The following RUNX1T1 variants were observed in gnomAD, a reference collection of about 807,000 sequenced individuals.
RUNX1T1 encodes the protein RUNX1 partner transcriptional co-repressor 1.
In RUNX1T1, 4 loss-of-function variants were observed where a neutral mutation model predicts 62.8. That is an observed-to-expected ratio of 0.06 (90% CI 0.03 to 0.15). The LOEUF is 0.15. Among genes scored for constraint, RUNX1T1 ranks in the 10% least tolerant of loss-of-function variants. The pLI is 1.00. For missense variants in RUNX1T1, 508 were observed against 754.3 expected (o/e 0.67, Z 3.82); for synonymous variants, 291 against 286.0 (o/e 1.02, Z -0.18).
chr8:92,024,278 G>A (rs928587018), intron 1 of RUNX1T1, among the ~76,000 whole-genome samples: 3 of 151,616 alleles, frequency 2.0e-5, no homozygotes, highest in African/African-American at 2.4e-5. Flanking sequence ...TGAGGTTGAG[G>A]TGGGTGGACC....
rs144920663 is a variant in RUNX1T1 at position 92,044,408 on chromosome 8, A to G, written c.7+18138T>C. On this transcript the variant is annotated intron_variant, in intron 1 of 10. Coordinates refer to ENST00000396218, the Ensembl canonical transcript of RUNX1T1. Reference sequence around the variant, plus strand: ...GTAGGTGTGAAAAAGTCAATTCCAGACTTGGAGGTGCATCTATGGTAAAAA... The same window carrying G: ...GTAGGTGTGAAAAAGTCAATTCCAGGCTTGGAGGTGCATCTATGGTAAAAA... Among the ~76,000 whole-genome samples, 506 of 152,264 alleles carry G rather than the reference A, an allele frequency of 3.3e-3. 5 individuals carry two copies. Among genetic ancestry groups the G allele is most frequent in the African/African-American group, 0.012 (488 of 41,542 alleles).
chr8:92,047,317 A>G (rs1171609616), intron 1 of RUNX1T1, among the ~76,000 whole-genome samples: 1 of 152,028 alleles, frequency 6.6e-6, no homozygotes, highest in East Asian at 1.9e-4. Flanking sequence ...TCTCTGCTCA[A>G]AAGTCCCTTC....
intron 9 of RUNX1T1, among the ~76,000 whole-genome samples, chr8:91,973,372 C>G (rs1813261617): frequency 6.6e-6 from 1 of 151,324 alleles, no homozygotes; most frequent in Non-Finnish European, 1.5e-5. Flanking sequence ...TTTTTTGCAA[C>G]TTTCCTGCAT....
chr8:92,088,868 TTC>T (rs1836543042), intron 1 of RUNX1T1, among the ~76,000 whole-genome samples: 1 of 152,212 alleles, frequency 6.6e-6, no homozygotes, highest in African/African-American at 2.4e-5. Context: ...TATCTAATAT[TTC>T]TCTGACATAA....
chr8:92,019,690 A>T (rs992189358), intron 1 of RUNX1T1, among the ~76,000 whole-genome samples: 1 of 151,138 alleles, frequency 6.6e-6, no homozygotes, highest in Non-Finnish European at 1.5e-5. Flanking sequence ...TAAAAAAAAT[A>T]AACTATAAAT....
intron 5 of RUNX1T1, among the ~76,000 whole-genome samples, chr8:92,001,231 G>A (rs2976512): frequency 0.23 from 35,412 of 151,530 alleles, 4,359 homozygotes; most frequent in African/African-American, 0.31. Context: ...TTTTTGTTTT[G>A]GTATGAAATG....
intron 5 of RUNX1T1, among the ~76,000 whole-genome samples, chr8:91,994,958 T>C (rs1295915773): frequency 2.0e-5 from 3 of 152,236 alleles, no homozygotes; most frequent in African/African-American, 7.2e-5. Context: ...ACAGTGCTGA[T>C]AGTCCTCTGG....
chr8:92,009,115 G>A (rs1821438524), intron 4 of RUNX1T1, among the ~76,000 whole-genome samples: 1 of 152,094 alleles, frequency 6.6e-6, no homozygotes, highest in Non-Finnish European at 1.5e-5. Flanking sequence ...TCCACACGTG[G>A]TACTCAGTTT....
rs553539141 is a variant in RUNX1T1 at position 92,029,793 on chromosome 8, C to T, written c.8-12430G>A. ...CAACAGATGAAAACTTCTTGTAAAA[C>T]CAAATGTTTCACTCATTTTTTTTAA... On this transcript the variant is annotated intron_variant, in intron 1 of 10. Coordinates refer to ENST00000396218, the Ensembl canonical transcript of RUNX1T1. Among the ~76,000 whole-genome samples the T allele has an allele frequency of 3.9e-5, 6 of 152,170 alleles. No homozygotes were observed. The East Asian group carries it at 5.8e-4, about 15-fold the overall frequency.
At chr8:92,093,529 T>C (rs1837347598) in intron 1 of RUNX1T1, among the ~76,000 whole-genome samples, 1 of 152,220 alleles carries the variant, frequency 6.6e-6, no homozygotes, top group Admixed American at 6.5e-5. Context: ...AATACATACA[T>C]CTCACTTTGT....
At chr8:91,956,796 TA>T, downstream of RUNX1T1, 1 of 217,522 alleles carries the variant, frequency 4.6e-6, no homozygotes, top group Non-Finnish European at 9.3e-6. Context: ...AATAATATTT[TA>T]AAAAAATTAC....
At chr8:92,069,419 A>G (rs1833351486) in intron 2 of RUNX1T1, among the ~76,000 whole-genome samples, 1 of 152,032 alleles carries the variant, frequency 6.6e-6, no homozygotes, top group Non-Finnish European at 1.5e-5. Flanking sequence ...AAAAAAAAAA[A>G]TCCCAGAATT....
intron 1 of RUNX1T1, among the ~76,000 whole-genome samples, chr8:92,026,597 G>A (rs891009920): frequency 2.0e-5 from 3 of 152,128 alleles, no homozygotes; most frequent in African/African-American, 4.8e-5. Flanking sequence ...TGAGGCAGGC[G>A]GATCACGAGG....
chr8:92,086,827 C>T (rs1358673320), intron 1 of RUNX1T1, among the ~76,000 whole-genome samples: 4 of 152,202 alleles, frequency 2.6e-5, no homozygotes, highest in African/African-American at 9.7e-5. Flanking sequence ...CTGCCCCTGC[C>T]TCTTCCTTCT....
chr8:92,017,237 G>T, exon 2 of RUNX1T1: 1 of 1,610,622 alleles, frequency 6.2e-7, no homozygotes, highest in Non-Finnish European at 8.5e-7. Context: ...CGTTGTCGGT[G>T]TAAATGAACT....
At chr8:91,966,557 T>C (rs1296157510) in intron 10 of RUNX1T1, among the ~76,000 whole-genome samples, 1 of 152,184 alleles carries the variant, frequency 6.6e-6, no homozygotes, top group Non-Finnish European at 1.5e-5. Context: ...AAGAAAGCTG[T>C]AGAAGTTTCC....
chr8:92,054,727 C>A (rs572193427), intron 1 of RUNX1T1, among the ~76,000 whole-genome samples: 1 of 152,132 alleles, frequency 6.6e-6, no homozygotes, highest in Non-Finnish European at 1.5e-5. Flanking sequence ...CAGGGCCAGG[C>A]GCGGCGGCTC....
At chr8:92,060,553 A>ATATATATATGTGTGTG in intron 1 of RUNX1T1, among the ~76,000 whole-genome samples, 5 of 63,940 alleles carry the variant, frequency 7.8e-5, no homozygotes, top group African/African-American at 2.3e-4. Context: ...ATATATATAT[A>ATATATATATGTGTGTG]TGTGTGTGTG....
At chr8:92,081,442 G>T (rs1229199360) in intron 1 of RUNX1T1, 3 of 172,416 alleles carry the variant, frequency 1.7e-5, no homozygotes, top group Non-Finnish European at 3.4e-5. Context: ...AAATACCTAG[G>T]ATCAGTCAAC....
Sources: gnomAD v4.1 joint callset for allele counts (sites outside exome capture counted in the v4.1 genomes callset) on GRCh38, gnomAD v4.1.1 for gene constraint, MANE v1.5 for transcripts, NCBI Gene and HGNC (gene_info 2026-07-23, HGNC 2026-07-21) for gene names.